Variants in PARVB observed in about 807,000 individuals in gnomAD.
The protein encoded by PARVB is parvin beta, also known as beta-parvin.
In PARVB, 46 loss-of-function variants were observed where a neutral mutation model predicts 47.0. That is an observed-to-expected ratio of 0.98 (90% CI 0.77 to 1.25). The LOEUF (loss-of-function observed/expected upper bound fraction) is 1.25. PARVB is among the 50% of genes most tolerant of loss of function. The pLI, the probability that PARVB is intolerant of heterozygous loss-of-function variation, is 0.00. For synonymous variants in PARVB, 196 were observed against 196.3 expected, an observed-to-expected ratio of 1.00 and a Z score of 0.01; for missense variants, 473 against 471.6, an observed-to-expected ratio of 1.00 and a Z score of -0.03.
chr22:44,158,169 G>C, intron 11 of PARVB, 86 bp downstream of exon 11: 1 of 871,566 alleles, frequency 1.1e-6, no homozygotes. Context: ...AGCTCTTCCT[G>C]CAGCCTGGCT....
upstream of PARVB, chr22:44,024,206 G>A (rs547559694): frequency 3.2e-6 from 1 of 314,102 alleles, no homozygotes; most frequent in Admixed American, 6.5e-5. Context: ...GGGACGCCGG[G>A]GCCGCGCTCC....
chr22:44,016,323 C>G (rs1489292485), intron 2 of PARVB, among the ~76,000 whole-genome samples: 1 of 151,930 alleles, frequency 6.6e-6, no homozygotes, highest in Non-Finnish European at 1.5e-5. Context: ...GTCTCGATCT[C>G]CTGACTTCGT....
At chr22:44,148,765 A>G (rs2053741096) in intron 9 of PARVB, 1 of 152,168 alleles carries the variant, frequency 6.6e-6, no homozygotes, top group South Asian at 2.1e-4. Flanking sequence ...TTATTTATCT[A>G]TCAATTTTGG....
At chr22:44,015,107 T>C (rs1036705023) in intron 2 of PARVB, among the ~76,000 whole-genome samples, 1 of 149,978 alleles carries the variant, frequency 6.7e-6, no homozygotes, top group African/African-American at 2.5e-5. Context: ...TGCCTTGGCC[T>C]CCCAAACTGC....
chr22:44,051,703 T>C (rs1284846155), intron 1 of PARVB, among the ~76,000 whole-genome samples: 4 of 152,158 alleles, frequency 2.6e-5, no homozygotes, highest in Non-Finnish European at 5.9e-5. Flanking sequence ...AGGTCTCTGT[T>C]AGGGGTTTGT....
At chr22:44,012,682 C>T (rs932181140) in intron 2 of PARVB, among the ~76,000 whole-genome samples, 5 of 152,126 alleles carry the variant, frequency 3.3e-5, no homozygotes, top group Non-Finnish European at 7.3e-5. Flanking sequence ...TCTCTACACA[C>T]TTCTAACTCG....
chr22:44,050,885 C>T (rs1175963308), intron 1 of PARVB, among the ~76,000 whole-genome samples: 1 of 152,196 alleles, frequency 6.6e-6, no homozygotes. Flanking sequence ...CAGCCCGTCA[C>T]CAGGAGCTTG....
At chr22:44,030,463 G>A (rs2050805836) in intron 1 of PARVB, among the ~76,000 whole-genome samples, 1 of 152,226 alleles carries the variant, frequency 6.6e-6, no homozygotes, top group South Asian at 2.1e-4. Context: ...CCTGGTCGGG[G>A]GCTGGAGAGG....
At chr22:44,052,216 A>C (rs937158698) in intron 1 of PARVB, among the ~76,000 whole-genome samples, 2 of 152,234 alleles carry the variant, frequency 1.3e-5, no homozygotes, top group African/African-American at 4.8e-5. Context: ...TGAAACTTGA[A>C]GGTCACAGTT....
chr22:44,097,996 C>T (rs976304379), intron 2 of PARVB, among the ~76,000 whole-genome samples: 14 of 150,984 alleles, frequency 9.3e-5, no homozygotes, highest in African/African-American at 3.2e-4. Flanking sequence ...TGGGGTCAGA[C>T]GTGGGCTCAG....
chr22:44,085,466 G>A (rs768635963), intron 1 of PARVB, among the ~76,000 whole-genome samples: 1 of 151,970 alleles, frequency 6.6e-6, no homozygotes, highest in African/African-American at 2.4e-5. Flanking sequence ...CACCATTCCT[G>A]GCTAATTTTT....
chr22:44,017,474 GC>G (rs775770660), intron 2 of PARVB, among the ~76,000 whole-genome samples: 34 of 152,268 alleles, frequency 2.2e-4, no homozygotes, highest in Non-Finnish European at 3.7e-4. Flanking sequence ...GTAACGCAAA[GC>G]CCAAGACAGT....
intron 4 of PARVB, among the ~76,000 whole-genome samples, chr22:44,126,978 C>T (rs1043884284): frequency 6.6e-6 from 1 of 152,202 alleles, no homozygotes. Flanking sequence ...ATCTTTAAAG[C>T]TGCATCTTCC....
chr22:44,061,619 C>G (rs2051421728), intron 1 of PARVB, among the ~76,000 whole-genome samples: 1 of 151,838 alleles, frequency 6.6e-6, no homozygotes, highest in Admixed American at 6.6e-5. Context: ...TCCGGCAACT[C>G]AGATTCTTTT....
chr22:44,105,881 T>C (rs2052555167), intron 3 of PARVB: 1 of 152,336 alleles, frequency 6.6e-6, no homozygotes, highest in African/African-American at 2.4e-5. Flanking sequence ...CAGGCTGGAG[T>C]GCAGTGGCAT....
intron 2 of PARVB, among the ~76,000 whole-genome samples, chr22:44,003,346 G>A (rs2050431762): frequency 6.6e-6 from 1 of 152,190 alleles, no homozygotes; most frequent in Non-Finnish European, 1.5e-5. Flanking sequence ...GCTACTGCTG[G>A]AAATACCAGA....
intron 1 of PARVB, among the ~76,000 whole-genome samples, chr22:44,056,991 GT>G (rs1893548174): frequency 3.7e-5 from 3 of 80,688 alleles, no homozygotes; most frequent in Admixed American, 1.2e-4. Context: ...TGAGCTGGGG[GT>G]GGAGCTGGGG....
intron 11 of PARVB, among the ~76,000 whole-genome samples, chr22:44,159,425 G>T: frequency 6.6e-6 from 1 of 152,282 alleles, no homozygotes; most frequent in East Asian, 1.9e-4. Context: ...TTTGACAATT[G>T]CTGCCCTGGC....
intron 1 of PARVB, among the ~76,000 whole-genome samples, chr22:44,079,522 G>A (rs2051851879): frequency 6.6e-6 from 1 of 152,218 alleles, no homozygotes; most frequent in South Asian, 2.1e-4. Flanking sequence ...CCAGGCTGAG[G>A]AGGACAGAGG....
Sources: gnomAD v4.1 joint callset for allele counts (sites outside exome capture counted in the v4.1 genomes callset) on GRCh38, gnomAD v4.1.1 for gene constraint, MANE v1.5 for transcripts, NCBI Gene and HGNC (gene_info 2026-07-23, HGNC 2026-07-21) for gene names.